Variants in DNAJC13 observed in about 807,000 individuals in gnomAD.
DNAJC13 encodes the protein dnaJ homolog subfamily C member 13.
DNAJC13 carries 75 observed loss-of-function variants against 290.5 expected under a neutral mutation model. The ratio of observed to expected loss-of-function variants is 0.26; its 90% confidence interval spans 0.21 to 0.31. DNAJC13 has a LOEUF of 0.31. Ranked by LOEUF, DNAJC13 falls within the 10% of genes least tolerant of loss-of-function variation. The pLI is 1.00. For missense variants in DNAJC13, 2,260 were observed against 2,674.5 expected, an observed-to-expected ratio of 0.85 and a Z score of 3.42; for synonymous variants, 862 against 892.0, an observed-to-expected ratio of 0.97 and a Z score of 0.60.
At chr3:132,484,695 G>A in intron 29 of DNAJC13, 23 bp downstream of exon 29, 1 of 1,574,544 alleles carries the variant, frequency 6.4e-7, no homozygotes, top group Non-Finnish European at 8.7e-7. Flanking sequence ...ATCAAACTAG[G>A]AGCAATTTTA....
intron 43 of DNAJC13, 32 bp downstream of exon 43, chr3:132,507,385 C>G: frequency 8.2e-7 from 1 of 1,218,976 alleles, no homozygotes; most frequent in Non-Finnish European, 1.2e-6. Flanking sequence ...TTACCTGATA[C>G]CTTTGATCAT....
At chr3:132,464,073 A>C (rs565131677) in intron 17 of DNAJC13, among the ~76,000 whole-genome samples, 4 of 152,290 alleles carry the variant, frequency 2.6e-5, no homozygotes, top group African/African-American at 7.2e-5. Flanking sequence ...TCATGGGACC[A>C]ATATGGAAAA....
At chr3:132,502,160 A>G (rs2107720229) in intron 39 of DNAJC13, 129 bp from the exon 40 acceptor site, 2 of 712,854 alleles carry the variant, frequency 2.8e-6, no homozygotes, top group Middle Eastern at 3.7e-4. Context: ...TTGAAAATGT[A>G]AGAAGAGGTA....
At position 132,479,252 on chromosome 3, in the gene DNAJC13, G is replaced by C. The variant is rs1934580715; in HGVS notation, c.2735G>C (p.Arg912Thr). Residue 912 changes from arginine (R) to threonine (T), a missense_variant, in exon 25 of 56, where the codon AGG becomes ACG. By Grantham distance (71) the Arg-to-Thr change is moderately conservative (BLOSUM62 -1). Transcript: ENST00000260818. ...TGCACAGATAAACTTGAACGAGATAGGTTGATTCTCTTCCTTAACAAGTTG... is the reference window on the plus strand; with the variant it reads ...TGCACAGATAAACTTGAACGAGATACGTTGATTCTCTTCCTTAACAAGTTG... ...ERCTDKLERD[R>T]LILFLNKLIL... The C allele has an allele frequency of 1.2e-6, 2 of 1,608,722 alleles. No individual in the cohort carries two copies. The highest frequency in any genetic ancestry group is 1.7e-6 in the Non-Finnish European group (2 of 1,175,970).
At chr3:132,484,172 T>A (rs1934776466) in intron 28 of DNAJC13, among the ~76,000 whole-genome samples, 2 of 152,258 alleles carry the variant, frequency 1.3e-5, no homozygotes, top group Non-Finnish European at 2.9e-5. Flanking sequence ...ATTATACAGT[T>A]AGTATTTAGA....
chr3:132,521,638 G>GAGC (rs1936093399), intron 48 of DNAJC13, among the ~76,000 whole-genome samples: 1 of 152,204 alleles, frequency 6.6e-6, no homozygotes, highest in Non-Finnish European at 1.5e-5. Context: ...ATACCACAGT[G>GAGC]AGCAGGTCAA....
chr3:132,537,213 T>C (rs1402057494), intron 55 of DNAJC13: 3 of 456,300 alleles, frequency 6.6e-6, no homozygotes, highest in Non-Finnish European at 1.3e-5. Flanking sequence ...GGAGCGGGCT[T>C]TAGATCCGCT....
rs954526602 is a variant in DNAJC13 at position 132,457,439 on chromosome 3, A to G, written c.1449+71A>G. ...TGGTGGTTTTGATTTCCACAGTCCC[A>G]GATTTTCATTGTACCAATAAGTTCT... On this transcript the variant is annotated intron_variant, in intron 13 of 55. Coordinates refer to ENST00000260818, the MANE Select transcript of DNAJC13 (RefSeq NM_015268.4). 3.4e-6 allele frequency: 4 copies of G among 1,187,346 alleles called. No homozygotes were observed. The African/African-American group carries it at 6.1e-5, about 18-fold the overall frequency. 73.6% of individuals were successfully genotyped at this position (1,187,346 alleles called of 1,614,324 possible).
Position 132,500,808 on chromosome 3 carries a change from A to G in DNAJC13, c.4431A>G (p.Ile1477Met). 2 of 1,613,996 alleles carry G rather than the reference A, an allele frequency of 1.2e-6. No homozygotes were observed. The highest frequency in any genetic ancestry group is 1.7e-6 in the Non-Finnish European group (2 of 1,179,894). Residue 1477 changes from isoleucine to methionine, a missense_variant, in exon 39 of 56, where the codon ATA (isoleucine) becomes ATG (methionine). Physicochemically the swap from Ile to Met is conservative, Grantham distance 10. This residue lies in a region of DNAJC13 where 1,494 missense variants were observed against 1,693.7 expected (regional missense o/e 0.88). Coordinates refer to ENST00000260818, the MANE Select transcript of DNAJC13 (RefSeq NM_015268.4). Reference protein sequence around the residue: ...SDMSVQVCGYISKCYSVAAQF... With the variant: ...SDMSVQVCGYMSKCYSVAAQF... Reference sequence around the variant, plus strand: ...GTTGTCTGCAGGTGTGTGGATACATAAGTAAATGCTACAGTGTGGCTGCTC... The same window carrying G: ...GTTGTCTGCAGGTGTGTGGATACATGAGTAAATGCTACAGTGTGGCTGCTC...
chr3:132,514,803 G>T, intron 46 of DNAJC13, 133 bp downstream of exon 46: 1 of 674,038 alleles, frequency 1.5e-6, no homozygotes, highest in African/African-American at 1.9e-5. Flanking sequence ...CACTAGATTT[G>T]TCTTCCTAAT....
intron 51 of DNAJC13, among the ~76,000 whole-genome samples, chr3:132,524,762 C>G (rs62293980): frequency 0.029 from 4,472 of 152,228 alleles, 101 homozygotes; most frequent in Non-Finnish European, 0.049. Context: ...CCTATATCAC[C>G]TTTCTTTTTG....
chr3:132,473,595 A>G (rs1934360285), intron 21 of DNAJC13, among the ~76,000 whole-genome samples: 1 of 152,110 alleles, frequency 6.6e-6, no homozygotes, highest in Admixed American at 6.5e-5. Flanking sequence ...AAGTTAGCTG[A>G]TAGGAGGACC....
At chr3:132,534,795 G>A (rs1936541206) in intron 55 of DNAJC13, among the ~76,000 whole-genome samples, 1 of 152,142 alleles carries the variant, frequency 6.6e-6, no homozygotes, top group African/African-American at 2.4e-5. Context: ...AGATAAATTA[G>A]GTAAATTTAC....
intron 48 of DNAJC13, among the ~76,000 whole-genome samples, chr3:132,522,487 A>G (rs1291921057): frequency 6.6e-6 from 1 of 152,200 alleles, no homozygotes; most frequent in African/African-American, 2.4e-5. Context: ...GGCATTCTGC[A>G]TATTGTAAGG....
At chr3:132,431,140 C>T (rs1157246335) in intron 1 of DNAJC13, among the ~76,000 whole-genome samples, 1 of 152,172 alleles carries the variant, frequency 6.6e-6, no homozygotes, top group Non-Finnish European at 1.5e-5. Flanking sequence ...ATCAGAATTG[C>T]CCATGTATTT....
At chr3:132,492,353 C>T in intron 32 of DNAJC13, 61 bp from the exon 33 acceptor site, 1 of 1,524,252 alleles carries the variant, frequency 6.6e-7, no homozygotes, top group Middle Eastern at 1.7e-4. Flanking sequence ...GATTATGTAT[C>T]TCAACCTTCT....
chr3:132,528,442 G>A, intron 54 of DNAJC13, 110 bp downstream of exon 54: 1 of 1,349,912 alleles, frequency 7.4e-7, no homozygotes, highest in Non-Finnish European at 1.0e-6. Flanking sequence ...TCTGTTGGTT[G>A]TAACTGGAGA....
Position 132,499,171 on chromosome 3 carries a change from C to T in DNAJC13, c.4202C>T (p.Thr1401Ile). 6.2e-7 allele frequency: 1 copy of T among 1,613,918 alleles called. No homozygotes were observed. Among genetic ancestry groups the T allele is most frequent in the Non-Finnish European group, 8.5e-7 (1 of 1,179,848 alleles). Reference protein sequence around the residue: ...KYAGYPMLIRTITMETSDDLL... With the variant: ...KYAGYPMLIRIITMETSDDLL... ...GCAGGATACCCCATGCTTATTCGGA[C>T]TATAACAATGGAAACTTCAGATGAC... Residue 1401 changes from threonine (T) to isoleucine (I), a missense_variant, in exon 37 of 56, where the codon ACT becomes ATT. By Grantham distance (89) the Thr-to-Ile change is moderately conservative (BLOSUM62 -1). Coordinates refer to ENST00000260818, the MANE Select transcript of DNAJC13 (RefSeq NM_015268.4).
chr3:132,453,168 T>C lies in DNAJC13; in HGVS notation c.538-130T>C, dbSNP rs189329562. On this transcript the variant is annotated intron_variant, in intron 6 of 55. Transcript: ENST00000260818. ...TAGTCTTTTCATTGAAACAACTGCT[T>C]ATTTGCCTCTAATACCTACCTCTTT... is the stretch of plus-strand genomic sequence containing the variant. 10 of 711,674 alleles carry C rather than the reference T, an allele frequency of 1.4e-5. No individual in the cohort carries two copies. In the Admixed American group the frequency reaches 2.1e-4, roughly 15 times the overall value. The allele number at this position is 711,674 out of a possible 1,614,324, so 44.1% of individuals were successfully genotyped here.
Sources: gnomAD v4.1 joint callset for allele counts (sites outside exome capture counted in the v4.1 genomes callset) on GRCh38, gnomAD v4.1.1 for gene constraint, gnomAD v4.1.1 regional missense constraint, MANE v1.5 for transcripts, NCBI Gene and HGNC (gene_info 2026-07-23, HGNC 2026-07-21) for gene names.